The following KCNQ5 variants were observed in gnomAD, a reference collection of about 807,000 sequenced individuals.
The protein encoded by KCNQ5 is potassium voltage-gated channel subfamily KQT member 5.
A neutral mutation model predicts 98.2 loss-of-function variants in KCNQ5; 30 were observed. The observed-to-expected ratio is 0.31, with a 90% confidence interval of 0.23 to 0.41. The LOEUF (loss-of-function observed/expected upper bound fraction) is 0.41, where lower values mean the gene tolerates loss of function less well. Ranked by LOEUF, KCNQ5 falls within the 10% of genes least tolerant of loss-of-function variation. KCNQ5 has a pLI of 1.00. For missense variants in KCNQ5, 835 were observed against 1,182.5 expected (o/e 0.71, Z 4.31); for synonymous variants, 458 against 449.4 (o/e 1.02, Z -0.24).
chr6:72,941,372 C>CTTTCCTCCTTCCTTCCTTG lies in KCNQ5; in HGVS notation c.399-62518_399-62517insGTTTCCTCCTTCCTTCCTT, dbSNP rs1371391101. On this transcript the variant is annotated intron_variant, in intron 1 of 13. Transcript: ENST00000370398. ...TCCTTCCTTCTTTTCTTCCTTCCTT[C>CTTTCCTCCTTCCTTCCTTG]TTTCCTCCTTCCTTCCTTCCTCCTT... Among the ~76,000 whole-genome samples, 71 of 29,760 alleles carry CTTTCCTCCTTCCTTCCTTG rather than the reference C, an allele frequency of 2.4e-3. 1 individual carries two copies. In the East Asian group the frequency reaches 0.028, roughly 12 times the overall value. 19.5% of individuals were successfully genotyped at this position (29,760 alleles called of 152,430 possible). A position where few individuals can be genotyped will look rare whatever the true frequency, so the allele number is the denominator to read the frequency against.
At chr6:73,177,025 G>C (rs1461541770) in intron 11 of KCNQ5, among the ~76,000 whole-genome samples, 1 of 152,198 alleles carries the variant, frequency 6.6e-6, no homozygotes, top group Non-Finnish European at 1.5e-5. Flanking sequence ...GATTCAAACA[G>C]CCAGACAGAT....
At chr6:72,877,797 A>G (rs1581943633) in intron 1 of KCNQ5, among the ~76,000 whole-genome samples, 1 of 152,278 alleles carries the variant, frequency 6.6e-6, no homozygotes, top group East Asian at 1.9e-4. Flanking sequence ...TTTGATTTGC[A>G]TTTCTCTAAC....
chr6:72,987,784 A>G (rs1768867728), intron 1 of KCNQ5: 1 of 424,096 alleles, frequency 2.4e-6, no homozygotes. Flanking sequence ...AACTGCCACA[A>G]TTGCTTTGAT....
At chr6:72,638,450 A>C (rs2098925421) in intron 1 of KCNQ5, among the ~76,000 whole-genome samples, 1 of 152,158 alleles carries the variant, frequency 6.6e-6, no homozygotes, top group Non-Finnish European at 1.5e-5. Flanking sequence ...GTGGATAATA[A>C]AAATACATTT....
At chr6:72,901,893 G>C (rs1056522017) in intron 1 of KCNQ5, among the ~76,000 whole-genome samples, 1 of 151,882 alleles carries the variant, frequency 6.6e-6, no homozygotes, top group African/African-American at 2.4e-5. Flanking sequence ...GAATGATGGT[G>C]GTATTTTGAT....
rs987948296 is a variant in KCNQ5, at chr6:73,167,931, A to T, written c.1469-1815A>T. On this transcript the variant is annotated intron_variant, in intron 10 of 13. Transcript: ENST00000370398. ...CCTTCTAAAGTTCCCACATCTTAAT[A>T]CTATCACACTGGTGATTAAGTTTCA... is the stretch of plus-strand genomic sequence containing the variant. Among the ~76,000 whole-genome samples the T allele has an allele frequency of 2.0e-5, 3 of 152,290 alleles. No homozygotes were observed. In the East Asian group the frequency reaches 5.8e-4, roughly 29 times the overall value.
At chr6:72,775,346 C>A (rs1393881706) in intron 1 of KCNQ5, among the ~76,000 whole-genome samples, 1 of 152,154 alleles carries the variant, frequency 6.6e-6, no homozygotes, top group Non-Finnish European at 1.5e-5. Context: ...TTTTGTTCTC[C>A]TTTTATTTCT....
chr6:72,987,645 G>A (rs1220568920), intron 1 of KCNQ5: 21 of 611,738 alleles, frequency 3.4e-5, no homozygotes, highest in Non-Finnish European at 5.9e-5. Flanking sequence ...ACCGGGCCAT[G>A]AGCTGGAAGT....
intron 1 of KCNQ5, among the ~76,000 whole-genome samples, chr6:72,868,684 A>C (rs1213592280): frequency 6.6e-6 from 1 of 152,170 alleles, no homozygotes. Context: ...TGGGAAAGAG[A>C]GCAACCAGTA....
intron 1 of KCNQ5, among the ~76,000 whole-genome samples, chr6:72,640,334 CA>C (rs71689978): frequency 0.032 from 3,812 of 119,034 alleles, 53 homozygotes; most frequent in Admixed American, 0.041. Flanking sequence ...AATTGCTGGG[CA>C]AAAAAAAAAA....
At chr6:72,925,931 A>G (rs930827315) in intron 1 of KCNQ5, among the ~76,000 whole-genome samples, 1 of 152,266 alleles carries the variant, frequency 6.6e-6, no homozygotes, top group Non-Finnish European at 1.5e-5. Flanking sequence ...GAGAAGCTAC[A>G]GAAGAGTTTT....
intron 11 of KCNQ5, among the ~76,000 whole-genome samples, chr6:73,187,186 A>G (rs954651345): frequency 3.3e-5 from 5 of 151,830 alleles, no homozygotes; most frequent in Non-Finnish European, 7.4e-5. Flanking sequence ...CAGCCTCCCA[A>G]GTAGCTGGGA....
At chr6:72,758,116 A>G (rs1772066100) in intron 1 of KCNQ5, among the ~76,000 whole-genome samples, 1 of 151,950 alleles carries the variant, frequency 6.6e-6, no homozygotes, top group Admixed American at 6.6e-5. Context: ...AACACTGAAG[A>G]TGGAGATCAT....
At chr6:73,158,903 G>T (rs1777498994) in intron 10 of KCNQ5, among the ~76,000 whole-genome samples, 1 of 152,070 alleles carries the variant, frequency 6.6e-6, no homozygotes, top group African/African-American at 2.4e-5. Context: ...ATGATCAAAT[G>T]CTATAATTTA....
intron 1 of KCNQ5, among the ~76,000 whole-genome samples, chr6:72,830,741 T>C (rs549083166): frequency 6.6e-6 from 1 of 152,292 alleles, no homozygotes; most frequent in Non-Finnish European, 1.5e-5. Context: ...AAATGTGATC[T>C]AATTAAACTA....
At chr6:72,948,398 A>G (rs1051720197) in intron 1 of KCNQ5, among the ~76,000 whole-genome samples, 2 of 151,964 alleles carry the variant, frequency 1.3e-5, no homozygotes, top group African/African-American at 4.8e-5. Flanking sequence ...CAGAGTGAGC[A>G]TTGAGTATCT....
intron 1 of KCNQ5, among the ~76,000 whole-genome samples, chr6:72,822,080 T>G (rs1389623694): frequency 6.6e-6 from 1 of 152,174 alleles, no homozygotes; most frequent in Non-Finnish European, 1.5e-5. Flanking sequence ...CATAATGCCC[T>G]TTCTTTTCCC....
At chr6:73,047,261 G>A (rs1401617463) in intron 3 of KCNQ5, among the ~76,000 whole-genome samples, 1 of 152,110 alleles carries the variant, frequency 6.6e-6, no homozygotes, top group Non-Finnish European at 1.5e-5. Context: ...TGCAGTATCA[G>A]CCTTAATTAT....
chr6:72,723,513 C>T (rs559929080), intron 1 of KCNQ5, among the ~76,000 whole-genome samples: 1 of 152,056 alleles, frequency 6.6e-6, no homozygotes, highest in Non-Finnish European at 1.5e-5. Flanking sequence ...CTATCATATG[C>T]GTTATAGGAT....
Sources: gnomAD v4.1 joint callset for allele counts (sites outside exome capture counted in the v4.1 genomes callset) on GRCh38, gnomAD v4.1.1 for gene constraint, MANE v1.5 for transcripts, NCBI Gene and HGNC (gene_info 2026-07-23, HGNC 2026-07-21) for gene names.